The following PRKN variants were observed in gnomAD, a reference collection of about 807,000 sequenced individuals.
PRKN encodes the protein E3 ubiquitin-protein ligase parkin.
Under a neutral mutation model 59.5 loss-of-function variants are expected in PRKN, and 56 were observed. The ratio of observed to expected loss-of-function variants is 0.94; its 90% CI spans 0.76 to 1.18. The LOEUF (loss-of-function observed/expected upper bound fraction) is 1.18, where lower values mean the gene tolerates loss of function less well. Among genes scored for constraint, PRKN ranks in the 50% most tolerant of loss-of-function variants. PRKN has a pLI of 0.00. For missense variants in PRKN, 657 were observed against 596.4 expected, an observed-to-expected ratio of 1.10 and a Z score of -1.06; for synonymous variants, 250 against 222.1, an observed-to-expected ratio of 1.13 and a Z score of -1.12.
At chr6:162,356,888 C>A (rs1784892587) in intron 2 of PRKN, among the ~76,000 whole-genome samples, 1 of 151,652 alleles carries the variant, frequency 6.6e-6, no homozygotes, top group Admixed American at 6.6e-5. Flanking sequence ...ATCATCTTTT[C>A]AAAAAATGAT....
At chr6:162,512,790 T>C (rs1248588363) in intron 1 of PRKN, among the ~76,000 whole-genome samples, 13 of 152,118 alleles carry the variant, frequency 8.5e-5, no homozygotes, top group Non-Finnish European at 4.4e-5. Context: ...AAAACAATTA[T>C]AGGATAAAAA....
rs777515298 is a variant in PRKN at position 161,414,789 on chromosome 6, G to A, written c.1084-27912C>T. Among the ~76,000 whole-genome samples, 43 of 152,272 alleles carry A rather than the reference G, an allele frequency of 2.8e-4. No homozygotes were observed. The highest frequency in any genetic ancestry group is 5.7e-4 in the Non-Finnish European group (39 of 68,022). On this transcript the variant is annotated intron_variant, in intron 9 of 11. Coordinates refer to ENST00000366898, the MANE Select transcript of PRKN (RefSeq NM_004562.3). The surrounding 1 kb of genome is among the most constrained non-coding windows in gnomAD (Gnocchi z 5.3). ...GAGGGTCTCCGCAGGCAGGGCAGCCGCTGAACAGCACCGGGAGGGTCTGTA... is the reference window on the plus strand; with the variant it reads ...GAGGGTCTCCGCAGGCAGGGCAGCCACTGAACAGCACCGGGAGGGTCTGTA...
At chr6:161,749,105 G>A (rs1477323787) in intron 7 of PRKN, among the ~76,000 whole-genome samples, 1 of 152,154 alleles carries the variant, frequency 6.6e-6, no homozygotes, top group African/African-American at 2.4e-5. Context: ...TCAGGGCCGG[G>A]AGGCGGGCAA....
intron 7 of PRKN, among the ~76,000 whole-genome samples, chr6:161,706,838 G>T (rs542245448): frequency 6.6e-6 from 1 of 152,158 alleles, no homozygotes; most frequent in Non-Finnish European, 1.5e-5. Context: ...GATTACAGGC[G>T]TGAGCCACCA....
At chr6:161,949,577 T>C (rs910923139) in intron 6 of PRKN, among the ~76,000 whole-genome samples, 1 of 152,188 alleles carries the variant, frequency 6.6e-6, no homozygotes, top group Non-Finnish European at 1.5e-5. Flanking sequence ...TTATAACTCC[T>C]TGAAGGACAC....
At chr6:162,353,526 C>T (rs1464830177) in intron 2 of PRKN, among the ~76,000 whole-genome samples, 1 of 151,894 alleles carries the variant, frequency 6.6e-6, no homozygotes, top group Non-Finnish European at 1.5e-5. Context: ...TAAAAAAATT[C>T]ATATTCACAT....
rs180698273 is a variant in PRKN, at chr6:162,706,433, G to A, written c.7+21229C>T. On this transcript the variant is annotated intron_variant, in intron 1 of 11. Coordinates refer to ENST00000366898, the MANE Select transcript of PRKN (RefSeq NM_004562.3). ...TGTTATATGTCAAAGAAACTTTTTA[G>A]CTTCATCTGCTATTTTAGCCTCTAA... Among the ~76,000 whole-genome samples the A allele has an allele frequency of 5.9e-5, 9 of 152,294 alleles. No homozygotes were observed. The East Asian group carries it at 1.7e-3, about 29-fold the overall frequency.
intron 2 of PRKN, among the ~76,000 whole-genome samples, chr6:162,379,770 A>G (rs904125269): frequency 6.6e-6 from 1 of 152,224 alleles, no homozygotes; most frequent in African/African-American, 2.4e-5. Context: ...AGCAGACAAT[A>G]GATTTTAAGG....
Position 162,223,612 on chromosome 6 carries a change from G to T in PRKN, c.413-22360C>A, listed in dbSNP as rs566137278. ...ATTGGCTTATTCCAAATAGACACGT[G>T]ACACACACACACACACACACACACA... On this transcript the variant is annotated intron_variant, in intron 3 of 11. Transcript: ENST00000366898. Among the ~76,000 whole-genome samples the T allele has an allele frequency of 2.1e-3, 270 of 129,304 alleles. 2 individuals carry two copies. The highest frequency in any genetic ancestry group is 7.8e-3 in the African/African-American group (245 of 31,368). 84.8% of individuals were successfully genotyped at this position (129,304 alleles called of 152,430 possible). A position where few individuals can be genotyped will look rare whatever the true frequency, so the allele number is the denominator to read the frequency against.
chr6:162,474,846 T>A (rs747494163), intron 1 of PRKN, among the ~76,000 whole-genome samples: 1 of 152,098 alleles, frequency 6.6e-6, no homozygotes, highest in East Asian at 1.9e-4. Context: ...GGCTTTGGGG[T>A]ATAGGCAGGC....
At chr6:162,723,181 C>T (rs1562526288) in intron 1 of PRKN, among the ~76,000 whole-genome samples, 3 of 152,174 alleles carry the variant, frequency 2.0e-5, no homozygotes, top group African/African-American at 7.2e-5. Context: ...TGTGTTCCCT[C>T]GTTTCCCTGG....
chr6:162,510,527 G>A (rs1777556710), intron 1 of PRKN, among the ~76,000 whole-genome samples: 1 of 152,162 alleles, frequency 6.6e-6, no homozygotes, highest in Non-Finnish European at 1.5e-5. Context: ...GGAGCAGGGT[G>A]AAGACATCCA....
At chr6:162,296,914 A>T (rs1041749120) in intron 2 of PRKN, among the ~76,000 whole-genome samples, 1 of 152,140 alleles carries the variant, frequency 6.6e-6, no homozygotes, top group Non-Finnish European at 1.5e-5. Context: ...ATCCATTTTT[A>T]AAAAAGAATA....
intron 2 of PRKN, among the ~76,000 whole-genome samples, chr6:162,395,825 G>A (rs947350562): frequency 6.6e-6 from 1 of 152,180 alleles, no homozygotes; most frequent in African/African-American, 2.4e-5. Flanking sequence ...AGTCTGTCTA[G>A]CTGAGCATAC....
chr6:162,213,804 TACACACACAC>T (rs58192789), intron 3 of PRKN, among the ~76,000 whole-genome samples: 16,070 of 126,368 alleles, frequency 0.13, 1,045 homozygotes, highest in Admixed American at 0.15. Flanking sequence ...AAAAAAACCA[TACACACACAC>T]ACACACACAC....
chr6:161,662,753 T>C (rs1408177666), intron 7 of PRKN, among the ~76,000 whole-genome samples: 1 of 152,090 alleles, frequency 6.6e-6, no homozygotes, highest in East Asian at 1.9e-4. Flanking sequence ...CTTTTCAGAT[T>C]TTAGGAAGGT....
intron 6 of PRKN, among the ~76,000 whole-genome samples, chr6:161,878,041 C>G (rs906729920): frequency 1.3e-5 from 2 of 152,092 alleles, no homozygotes; most frequent in African/African-American, 4.8e-5. Flanking sequence ...TCAGCCTCTT[C>G]CTCTCTGCTG....
At chr6:162,359,473 T>G (rs1785039618) in intron 2 of PRKN, among the ~76,000 whole-genome samples, 1 of 152,072 alleles carries the variant, frequency 6.6e-6, no homozygotes, top group African/African-American at 2.4e-5. Context: ...CCAATAATCT[T>G]TTTTACTACA....
intron 9 of PRKN, among the ~76,000 whole-genome samples, chr6:161,516,826 C>CAAAAAAAAAAAAAA (rs369136348): frequency 4.0e-4 from 25 of 63,168 alleles, no homozygotes; most frequent in African/African-American, 1.1e-3. Context: ...GACTCAATCT[C>CAAAAAAAAAAAAAA]AAAAAAAAAA....
Sources: gnomAD v4.1 joint callset for allele counts (sites outside exome capture counted in the v4.1 genomes callset) on GRCh38, gnomAD v4.1.1 for gene constraint, Gnocchi (gnomAD v3.1) non-coding constraint, MANE v1.5 for transcripts, NCBI Gene and HGNC (gene_info 2026-07-23, HGNC 2026-07-21) for gene names.